GPC6: variants seen among roughly 807,000 people sequenced by gnomAD.
GPC6 encodes glypican-6.
A neutral mutation model predicts 55.2 loss-of-function variants in GPC6; 14 were observed. The ratio of observed to expected loss-of-function variants is 0.25; its 90% CI spans 0.17 to 0.40. The LOEUF is 0.40. GPC6 is among the 10% of genes least tolerant of loss of function. GPC6 has a pLI of 1.00. For synonymous variants in GPC6, 278 were observed against 259.6 expected, an observed-to-expected ratio of 1.07 and a Z score of -0.68; for missense variants, 641 against 708.5, an observed-to-expected ratio of 0.90 and a Z score of 1.08.
At chr13:93,672,029 C>A (rs1172972963) in intron 2 of GPC6, among the ~76,000 whole-genome samples, 2 of 151,966 alleles carry the variant, frequency 1.3e-5, no homozygotes, top group Non-Finnish European at 2.9e-5. Context: ...TGATTGATTT[C>A]ATAATGCCCT....
chr13:93,698,208 A>G (rs1882528138), intron 2 of GPC6, among the ~76,000 whole-genome samples: 1 of 152,018 alleles, frequency 6.6e-6, no homozygotes, highest in Non-Finnish European at 1.5e-5. Context: ...TGACACAACT[A>G]ATTAATAATG....
At position 93,363,291 on chromosome 13, in the gene GPC6, C is replaced by A. The variant is rs558085427; in HGVS notation, c.160+135675C>A. On this transcript the variant is annotated intron_variant, in intron 1 of 8. Transcript: ENST00000377047. ...CAATGCTATCCCTCCCTCCTCCCCCCACCCCACAACAGTCCCCAGAGTGTG... is the reference window on the plus strand; with the variant it reads ...CAATGCTATCCCTCCCTCCTCCCCCAACCCCACAACAGTCCCCAGAGTGTG... 2.6e-4 allele frequency among the ~76,000 whole-genome samples: 39 copies of A among 151,248 alleles called. No homozygotes were observed. In the South Asian group the frequency reaches 7.6e-3, roughly 29 times the overall value.
chr13:93,886,959 T>G (rs1295207429), intron 3 of GPC6, among the ~76,000 whole-genome samples: 16 of 152,014 alleles, frequency 1.1e-4, no homozygotes, highest in Admixed American at 1.1e-3. Flanking sequence ...TATGTAAATA[T>G]ACACATGGTA....
At chr13:93,715,896 T>A (rs923989389) in intron 2 of GPC6, among the ~76,000 whole-genome samples, 2 of 151,618 alleles carry the variant, frequency 1.3e-5, no homozygotes, top group Non-Finnish European at 3.0e-5. Flanking sequence ...TGTATGCACA[T>A]TAAAGTTTGA....
chr13:94,008,926 A>C (rs1882130385), intron 3 of GPC6, among the ~76,000 whole-genome samples: 1 of 152,130 alleles, frequency 6.6e-6, no homozygotes, highest in Admixed American at 6.6e-5. Flanking sequence ...GCTTTGAAAA[A>C]TTTAATAACC....
intron 4 of GPC6, among the ~76,000 whole-genome samples, chr13:94,271,284 C>T (rs569112019): frequency 1.3e-5 from 2 of 151,518 alleles, no homozygotes; most frequent in South Asian, 4.2e-4. Flanking sequence ...AGCCACCGCA[C>T]CTGGCCACAG....
intron 1 of GPC6, among the ~76,000 whole-genome samples, chr13:93,361,973 TCATA>T (rs1318676687): frequency 6.6e-6 from 1 of 152,202 alleles, no homozygotes; most frequent in Non-Finnish European, 1.5e-5. Flanking sequence ...GACTGGATGA[TCATA>T]CAAAGACTCC....
chr13:93,532,183 T>G (rs2139414708), intron 1 of GPC6, among the ~76,000 whole-genome samples: 1 of 152,336 alleles, frequency 6.6e-6, no homozygotes, highest in South Asian at 2.1e-4. Flanking sequence ...TCGTCAGCTC[T>G]GTAATGCATA....
chr13:93,615,818 G>A (rs1321225872), intron 2 of GPC6, among the ~76,000 whole-genome samples: 1 of 151,972 alleles, frequency 6.6e-6, no homozygotes, highest in Admixed American at 6.6e-5. Context: ...GCCAAACTCA[G>A]ATACTAAAAA....
chr13:93,488,906 C>T (rs1043860489), intron 1 of GPC6, among the ~76,000 whole-genome samples: 7 of 151,962 alleles, frequency 4.6e-5, no homozygotes, highest in Admixed American at 4.6e-4. Context: ...AAAATTTTCT[C>T]CCATTCTATA....
intron 4 of GPC6, among the ~76,000 whole-genome samples, chr13:94,077,227 A>T (rs1842041905): frequency 6.6e-6 from 1 of 151,446 alleles, no homozygotes; most frequent in African/African-American, 2.4e-5. Context: ...TGAGTATTTT[A>T]TTTTTTTGAT....
intron 4 of GPC6, among the ~76,000 whole-genome samples, chr13:94,035,406 A>C (rs916755265): frequency 5.3e-5 from 8 of 152,124 alleles, no homozygotes; most frequent in African/African-American, 1.9e-4. Context: ...AGATAAAAGG[A>C]ACATGTGATA....
chr13:93,824,312 T>G (rs1015063727), intron 2 of GPC6, among the ~76,000 whole-genome samples: 1 of 152,238 alleles, frequency 6.6e-6, no homozygotes, highest in Non-Finnish European at 1.5e-5. Flanking sequence ...AGCAGATGAC[T>G]TATTGAGTGG....
chr13:93,591,226 G>T (rs1877459488), intron 2 of GPC6, among the ~76,000 whole-genome samples: 2 of 151,580 alleles, frequency 1.3e-5, no homozygotes, highest in Admixed American at 1.3e-4. Context: ...CACTTCGGGA[G>T]GCCGAGGTGG....
intron 6 of GPC6, among the ~76,000 whole-genome samples, chr13:94,368,498 G>A (rs1430844291): frequency 6.6e-6 from 1 of 152,092 alleles, no homozygotes; most frequent in East Asian, 1.9e-4. Flanking sequence ...TCTGAGACAT[G>A]AAAAATGACA....
At chr13:93,665,642 C>T (rs909617315) in intron 2 of GPC6, among the ~76,000 whole-genome samples, 1 of 152,120 alleles carries the variant, frequency 6.6e-6, no homozygotes, top group South Asian at 2.1e-4. Context: ...TAAAGGATAG[C>T]ATTTAATGAA....
intron 1 of GPC6, among the ~76,000 whole-genome samples, chr13:93,455,450 T>G (rs954710096): frequency 4.6e-5 from 7 of 151,986 alleles, no homozygotes; most frequent in East Asian, 2.0e-4. Flanking sequence ...TATGTTTGGC[T>G]TTAAAACCTG....
intron 4 of GPC6, among the ~76,000 whole-genome samples, chr13:94,273,760 C>T (rs943095139): frequency 8.5e-5 from 13 of 152,236 alleles, no homozygotes; most frequent in African/African-American, 2.9e-4. Context: ...TACGAAAACA[C>T]GGTAGGAGGC....
intron 6 of GPC6, among the ~76,000 whole-genome samples, chr13:94,339,528 A>C (rs553133959): frequency 2.0e-4 from 30 of 152,274 alleles, no homozygotes; most frequent in African/African-American, 6.5e-4. Flanking sequence ...TTGAATGTGA[A>C]TATTTTGCAA....
Sources: allele counts gnomAD v4.1 joint callset (sites outside exome capture counted in the v4.1 genomes callset), GRCh38; gene constraint gnomAD v4.1.1; transcripts MANE v1.5; gene names NCBI Gene and HGNC (gene_info 2026-07-23, HGNC 2026-07-21).